LMBRD2: variants seen among roughly 807,000 people sequenced by gnomAD.
LMBRD2 encodes the protein LMBR1 domain containing 2.
LMBRD2 carries 55 observed loss-of-function variants against 94.4 expected under a neutral mutation model. That is an observed-to-expected ratio of 0.58 (90% CI 0.47 to 0.73). The LOEUF is 0.73. Among genes scored for constraint, LMBRD2 ranks in the 30% least tolerant of loss-of-function variants. The pLI is 0.00. For synonymous variants in LMBRD2, 246 were observed against 272.4 expected, an observed-to-expected ratio of 0.90 and a Z score of 0.95; for missense variants, 640 against 831.9, an observed-to-expected ratio of 0.77 and a Z score of 2.84.
chr5:36,114,669 T>G, intron 12 of LMBRD2, 148 bp from the exon 13 acceptor site: 1 of 1,016,990 alleles, frequency 9.8e-7, no homozygotes, highest in South Asian at 3.2e-5. Context: ...GGACTTATTT[T>G]TTAAAATCTG....
chr5:36,108,418 A>G (rs569275746), intron 16 of LMBRD2, 116 bp downstream of exon 16: 1 of 505,754 alleles, frequency 2.0e-6, no homozygotes, highest in South Asian at 3.8e-5. Flanking sequence ...CACTGCAAAT[A>G]TACCATTTAT....
intron 6 of LMBRD2, among the ~76,000 whole-genome samples, chr5:36,135,129 T>C (rs1023667523): frequency 3.3e-5 from 5 of 152,178 alleles, no homozygotes; most frequent in African/African-American, 1.2e-4. Context: ...AAATATTTAC[T>C]ATCTGGCCCT....
intron 1 of LMBRD2, chr5:36,148,048 C>G (rs1744593763): frequency 5.4e-6 from 1 of 183,728 alleles, no homozygotes. Flanking sequence ...AACCAGGAGA[C>G]AACTCAAAAT....
At chr5:36,104,604 T>TA (rs1386438527) in intron 17 of LMBRD2, among the ~76,000 whole-genome samples, 1 of 152,048 alleles carries the variant, frequency 6.6e-6, no homozygotes, top group African/African-American at 2.4e-5. Flanking sequence ...CTGGGCACTT[T>TA]ACTGAGCCTC....
At chr5:36,116,082 A>C (rs1743737169) in intron 11 of LMBRD2, among the ~76,000 whole-genome samples, 1 of 152,162 alleles carries the variant, frequency 6.6e-6, no homozygotes, top group Non-Finnish European at 1.5e-5. Context: ...TCCTCAGGAA[A>C]AATTGTTCTT....
chr5:36,122,206 G>T, intron 9 of LMBRD2, 74 bp downstream of exon 9: 1 of 1,066,302 alleles, frequency 9.4e-7, no homozygotes, highest in Non-Finnish European at 1.4e-6. Context: ...ACTTTGCATT[G>T]GTGAAAATAC....
intron 9 of LMBRD2, among the ~76,000 whole-genome samples, chr5:36,121,406 A>T (rs530426661): frequency 2.4e-3 from 365 of 152,330 alleles, no homozygotes; most frequent in African/African-American, 8.0e-3. Context: ...CAATTTTTTT[A>T]AAATAAATAA....
rs538614875 is a variant in LMBRD2, at chr5:36,110,011, C to T, written c.1745-20G>A. On this transcript the variant is annotated intron_variant, in intron 14 of 17. Coordinates refer to ENST00000296603, the MANE Select transcript of LMBRD2 (RefSeq NM_001007527.2). ...TCTTCTCTAAAGACAGAAAAATGAT[C>T]TCAAATATGGCATAACATGGTTTAA... 17 of 1,594,666 alleles carry T rather than the reference C, an allele frequency of 1.1e-5. No homozygotes were observed. In the Admixed American group the frequency reaches 2.0e-4, roughly 19 times the overall value.
chr5:36,111,452 T>C (rs1333494116), intron 13 of LMBRD2, among the ~76,000 whole-genome samples, 194 bp from the exon 14 acceptor site: 1 of 152,104 alleles, frequency 6.6e-6, no homozygotes, highest in Non-Finnish European at 1.5e-5. Context: ...GTATGCCCTG[T>C]ACTTCACTGA....
chr5:36,148,184 A>G (rs1213530604), intron 1 of LMBRD2, among the ~76,000 whole-genome samples: 2 of 151,700 alleles, frequency 1.3e-5, no homozygotes, highest in Non-Finnish European at 2.9e-5. Context: ...GATTTCAGGT[A>G]TGAGAGAGTT....
rs1744709622 is a variant in LMBRD2, at chr5:36,151,459, A to C, written c.-58+97T>G. The C allele has an allele frequency of 6.6e-6, 1 of 152,250 alleles. No individual in the cohort carries two copies. Among genetic ancestry groups the C allele is most frequent in the Non-Finnish European group, 1.5e-5 (1 of 68,082 alleles). 9.4% of individuals were successfully genotyped at this position (152,250 alleles called of 1,614,324 possible). A position where few individuals can be genotyped will look rare whatever the true frequency, so the allele number is the denominator to read the frequency against. Reference sequence around the variant, plus strand: ...CAGATAAAGGAAGGATCCCGTCCACAGACCCAATTCTTAGGGCCGCCTTCT... The same window carrying C: ...CAGATAAAGGAAGGATCCCGTCCACCGACCCAATTCTTAGGGCCGCCTTCT... On this transcript the variant is annotated intron_variant, in intron 1 of 17. Coordinates refer to ENST00000296603, the MANE Select transcript of LMBRD2 (RefSeq NM_001007527.2). This position sits in a 1 kb window ranked among gnomAD's most constrained non-coding sequence, Gnocchi z 4.7.
chr5:36,128,008 A>T (rs1294587543), intron 6 of LMBRD2, among the ~76,000 whole-genome samples: 1 of 152,202 alleles, frequency 6.6e-6, no homozygotes, highest in African/African-American at 2.4e-5. Context: ...TGGTGACCAC[A>T]GGGGTGCTTG....
chr5:36,118,795 C>T (rs113924626), intron 9 of LMBRD2, among the ~76,000 whole-genome samples: 45,642 of 151,542 alleles, frequency 0.3, 8,485 homozygotes, highest in Non-Finnish European at 0.42. Flanking sequence ...GAATTACAGG[C>T]GTGTGCCACC....
chr5:36,112,528 T>A (rs1162934373), intron 13 of LMBRD2, among the ~76,000 whole-genome samples: 1 of 152,172 alleles, frequency 6.6e-6, no homozygotes, highest in East Asian at 1.9e-4. Context: ...AAGGCATTGC[T>A]TCAGGTGTTT....
intron 1 of LMBRD2, among the ~76,000 whole-genome samples, chr5:36,145,055 C>T (rs1050269559): frequency 6.6e-6 from 1 of 152,126 alleles, no homozygotes; most frequent in South Asian, 2.1e-4. Context: ...TATTGTCTCT[C>T]CACACCTCTC....
At chr5:36,120,625 T>C (rs1743867875) in intron 9 of LMBRD2, among the ~76,000 whole-genome samples, 1 of 152,152 alleles carries the variant, frequency 6.6e-6, no homozygotes, top group Admixed American at 6.5e-5. Context: ...CCCAATCCTC[T>C]TTCAGCTACT....
At chr5:36,147,912 T>C (rs779426932) in intron 1 of LMBRD2, 1 of 425,966 alleles carries the variant, frequency 2.3e-6, no homozygotes, top group Non-Finnish European at 4.8e-6. Context: ...CGGAACCTAA[T>C]GATTCATCAT....
intron 1 of LMBRD2, among the ~76,000 whole-genome samples, chr5:36,150,158 C>G (rs1744655711): frequency 6.6e-6 from 1 of 152,206 alleles, no homozygotes; most frequent in African/African-American, 2.4e-5. Flanking sequence ...ATGTCTGTTA[C>G]CGGGGCAAAC....
intron 8 of LMBRD2, among the ~76,000 whole-genome samples, 190 bp from the exon 9 acceptor site, chr5:36,122,653 A>G (rs1743914238): frequency 6.6e-6 from 1 of 152,184 alleles, no homozygotes; most frequent in Non-Finnish European, 1.5e-5. Context: ...TGCTCAGTGA[A>G]GAATTCTCCC....
Sources: gnomAD v4.1 joint callset for allele counts (sites outside exome capture counted in the v4.1 genomes callset) on GRCh38, gnomAD v4.1.1 for gene constraint, Gnocchi (gnomAD v3.1) non-coding constraint, MANE v1.5 for transcripts, NCBI Gene and HGNC (gene_info 2026-07-23, HGNC 2026-07-21) for gene names.